Variants in FAAP100 observed in about 807,000 individuals in gnomAD.
The protein encoded by FAAP100 is Fanconi anemia core complex-associated protein 100.
A neutral mutation model predicts 65.8 loss-of-function variants in FAAP100; 46 were observed. The ratio of observed to expected loss-of-function variants is 0.70; its 90% confidence interval spans 0.55 to 0.89. The LOEUF (loss-of-function observed/expected upper bound fraction) is 0.89. Among genes scored for constraint, FAAP100 ranks in the 40% least tolerant of loss-of-function variants. The pLI is 0.00. For synonymous variants in FAAP100, 663 were observed against 555.1 expected (o/e 1.19, Z -2.73); for missense variants, 1,165 against 1,196.7 (o/e 0.97, Z 0.39).
In FAAP100 at chr17:81,545,806, T is replaced by G. The variant is rs2033278455; in HGVS notation, c.2250A>C (p.Ala750=). The change falls in exon 6 of 9, where the codon GCA becomes GCC. Residue 750 remains alanine, a synonymous_variant. Coordinates refer to ENST00000327787, the MANE Select transcript of FAAP100 (RefSeq NM_025161.6). ...GGGCCACTCCCTGGATGGAAGATAG[T>G]GCTCGGGCCCTCACGACGTCCACAG... ...NAAVDVVRAR[A]LSSIQGVAPD... The G allele has an allele frequency of 6.2e-7, 1 of 1,612,316 alleles. No individual in the cohort carries two copies. The highest frequency in any genetic ancestry group is 8.5e-7 in the Non-Finnish European group (1 of 1,179,886).
At chr17:81,546,494 C>T (rs2033306421) in intron 5 of FAAP100, 1 of 168,382 alleles carries the variant, frequency 5.9e-6, no homozygotes, top group African/African-American at 2.4e-5. Flanking sequence ...CTTTGTGACT[C>T]TTCTGTATTT....
chr17:81,550,408 G>T lies in FAAP100; in HGVS notation c.1086C>A (p.Thr362=). ...CGGGGRVYHS[T]PSDLCVVDLS... ...GATCCACCACACAGAGGTCAGAAGG[G>T]GTGCTGTGGTACACGCGGCCACCCC... Residue 362 remains threonine, a synonymous_variant, in exon 3 of 9, where the codon ACC becomes ACA. Transcript: ENST00000327787. The T allele has an allele frequency of 6.2e-7, 1 of 1,612,672 alleles. No individual in the cohort carries two copies. The highest frequency in any genetic ancestry group is 8.5e-7 in the Non-Finnish European group (1 of 1,179,990).
chr17:81,544,929 G>A (rs1380674997), intron 6 of FAAP100, among the ~76,000 whole-genome samples: 1 of 152,190 alleles, frequency 6.6e-6, no homozygotes, highest in Non-Finnish European at 1.5e-5. Context: ...AACACTTTGA[G>A]AGGGTGAGGT....
At chr17:81,543,551 G>A (rs1047842064) in intron 7 of FAAP100, among the ~76,000 whole-genome samples, 1 of 152,134 alleles carries the variant, frequency 6.6e-6, no homozygotes, top group Non-Finnish European at 1.5e-5. Flanking sequence ...GAACTCCTGG[G>A]GCTGTGAGTG....
Position 81,540,672 on chromosome 17 carries a change from A to C in FAAP100, c.*147T>G, listed in dbSNP as rs572678832. ...TGCTCCACGGCCTCCAAGCACTTTC[A>C]TGAGCGTTCTGCTCCTACGTGGCCA... is the stretch of plus-strand genomic sequence containing the variant. On this transcript the variant is annotated 3_prime_UTR_variant, in exon 9 of 9. Coordinates refer to ENST00000327787, the MANE Select transcript of FAAP100 (RefSeq NM_025161.6). 63 of 1,105,442 alleles carry C rather than the reference A, an allele frequency of 5.7e-5. No homozygotes were observed. The East Asian group carries it at 1.8e-3, about 31-fold the overall frequency. The allele number at this position is 1,105,442 out of a possible 1,614,324, so 68.5% of individuals were successfully genotyped here.
In FAAP100 at chr17:81,540,691, G is replaced by A. The variant is rs115224960; in HGVS notation, c.*128C>T. On this transcript the variant is annotated 3_prime_UTR_variant, in exon 9 of 9. Transcript: ENST00000327787. ...ACTTTCATGAGCGTTCTGCTCCTAC[G>A]TGGCCAGGTCCTACCTTCCCTGACG... is the stretch of plus-strand genomic sequence containing the variant. The A allele has an allele frequency of 6.0e-4, 745 of 1,233,880 alleles. 1 individual carries two copies. In the African/African-American group the frequency reaches 9.6e-3, roughly 16 times the overall value. The allele number at this position is 1,233,880 out of a possible 1,614,324, so 76.4% of individuals were successfully genotyped here. A position where few individuals can be genotyped will look rare whatever the true frequency, so the allele number is the denominator to read the frequency against.
Position 81,550,790 on chromosome 17 carries a change from A to T in FAAP100, c.704T>A (p.Leu235His). The T allele has an allele frequency of 6.2e-7, 1 of 1,612,814 alleles. No individual in the cohort carries two copies. The highest frequency in any genetic ancestry group is 8.5e-7 in the Non-Finnish European group (1 of 1,179,896). Residue 235 changes from leucine (L) to histidine (H), a missense_variant, in exon 3 of 9, where the codon CTC becomes CAC. Leu to His is a moderately conservative substitution (Grantham distance 99). Transcript: ENST00000327787. ...FGLLFGADAT[L>H]LQSPVVLCGL... ...ACAGAGGACCACAGGTGACTGCAGGAGGGTGGCATCAGCTCCAAAGAGGAG... is the reference window on the plus strand; with the variant it reads ...ACAGAGGACCACAGGTGACTGCAGGTGGGTGGCATCAGCTCCAAAGAGGAG...
chr17:81,545,341 G>A (rs116832881), intron 6 of FAAP100, among the ~76,000 whole-genome samples: 1,548 of 152,346 alleles, frequency 0.01, 33 homozygotes, highest in African/African-American at 0.036. Context: ...GCACGACAGG[G>A]GCTGGAGACC....
intron 6 of FAAP100, 29 bp downstream of exon 6, chr17:81,545,717 G>A (rs367626385): frequency 8.3e-5 from 133 of 1,595,204 alleles, no homozygotes; most frequent in South Asian, 3.7e-4. Context: ...TGCTGGTGCC[G>A]TGGCTCGTTT....
In FAAP100 at chr17:81,542,219, ATATATATATATAT is replaced by A. The variant is rs1193576199; in HGVS notation, c.2428-837_2428-825del. 2.6e-3 allele frequency among the ~76,000 whole-genome samples: 286 copies of A among 108,070 alleles called. 11 individuals are homozygous for A. The highest frequency in any genetic ancestry group is 0.012 in the African/African-American group (263 of 21,332). The allele number at this position is 108,070 out of a possible 152,430, so 70.9% of individuals were successfully genotyped here. ...AAAAAAAATATATATATATATATAT[ATATATATATATAT>A]ATGAAATCAGCCAGGCGTGGTGACA... On this transcript the variant is annotated intron_variant, in intron 7 of 8. Transcript: ENST00000327787.
Position 81,544,140 on chromosome 17 carries a change from T to G in FAAP100, c.2311-20A>C. ...GGCCACCTGCAACACAGGAGCCACC[T>G]CACTGCCTGCCTGTGGCACTCCCAC... On this transcript the variant is annotated intron_variant, in intron 6 of 8. Coordinates refer to ENST00000327787, the MANE Select transcript of FAAP100 (RefSeq NM_025161.6). 1 of 1,582,128 alleles carries G rather than the reference T, an allele frequency of 6.3e-7. No homozygotes were observed.
At chr17:81,548,128 A>C in intron 4 of FAAP100, 2 of 610,352 alleles carry the variant, frequency 3.3e-6, no homozygotes, top group Non-Finnish European at 5.9e-6. Flanking sequence ...CTACAGAAAC[A>C]GCCCTAAACC....
upstream of FAAP100, chr17:81,552,398 T>C (rs1026432601): frequency 2.4e-6 from 3 of 1,264,416 alleles, no homozygotes; most frequent in African/African-American, 4.7e-5. Flanking sequence ...CGGAGCGCTT[T>C]ACGGCAGCCC....
Position 81,547,282 on chromosome 17 carries a change from G to A in FAAP100, c.1800C>T (p.Cys600=). Residue 600 remains cysteine (C), a synonymous_variant, in exon 5 of 9, where the codon TGC becomes TGT. Transcript: ENST00000327787. ...CCTCCCTGAGACTGTAGAACAGCGT[G>A]CAGGACACGGTCACGGGCAGGTCGA... ...GGLDLPVTVS[C]TLFYSLREVV... is the part of the protein sequence containing the mutation. 5 of 1,611,488 alleles carry A rather than the reference G, an allele frequency of 3.1e-6. No homozygotes were observed. Among genetic ancestry groups the A allele is most frequent in the Non-Finnish European group, 4.2e-6 (5 of 1,179,132 alleles).
At position 81,549,424 on chromosome 17, in the gene FAAP100, G is replaced by A. The variant is rs77575114; in HGVS notation, c.1247-62C>T. 6.4e-4 allele frequency: 990 copies of A among 1,546,288 alleles called. 16 individuals are homozygous for A. In the East Asian group the frequency reaches 0.015, roughly 23 times the overall value. Reference sequence around the variant, plus strand: ...GGGAGGGGCAAGCAGCATGACACTCGGTGGTGTTTCCCTGGACTCCAGGAA... The same window carrying A: ...GGGAGGGGCAAGCAGCATGACACTCAGTGGTGTTTCCCTGGACTCCAGGAA... On this transcript the variant is annotated intron_variant, in intron 3 of 8. Transcript: ENST00000327787.
rs753399641 is a variant in FAAP100, at chr17:81,550,904, A to G, written c.590T>C (p.Leu197Pro). ...KPAAPHFLPV[L>P]CSVSPSGSRV... The stretch of plus-strand genomic sequence containing the variant: ...GGAGCCTGATGGTGACACAGAGCAC[A>G]GCACTGGAAGGAAGTGGGGGGCTGC... The change falls in exon 3 of 9, where the codon CTG (leucine) becomes CCG (proline). Residue 197 changes from leucine (L) to proline (P), a missense_variant. Physicochemically the swap from Leu to Pro is moderately conservative, Grantham distance 98. Coordinates refer to ENST00000327787, the MANE Select transcript of FAAP100 (RefSeq NM_025161.6). 2 of 1,612,604 alleles carry G rather than the reference A, an allele frequency of 1.2e-6. No individual in the cohort carries two copies. Among genetic ancestry groups the G allele is most frequent in the South Asian group, 2.2e-5 (2 of 91,026 alleles).
In FAAP100 at chr17:81,544,094, T is replaced by TG; in HGVS notation, c.2336dup (p.Gly780ArgfsTer45). ...GAATCTCCACGGCCTGGATGGGCCC[T>TG]GCTGGGCACAGGTCAGTCATGGCCA... On this transcript the variant is annotated frameshift_variant, in exon 7 of 9. Transcript: ENST00000327787. LOFTEE classifies it high-confidence loss of function. 2 of 1,612,490 alleles carry TG rather than the reference T, an allele frequency of 1.2e-6. No homozygotes were observed. Among genetic ancestry groups the TG allele is most frequent in the Non-Finnish European group, 1.7e-6 (2 of 1,179,724 alleles).
chr17:81,548,963 C>T (rs2033400011), intron 4 of FAAP100, among the ~76,000 whole-genome samples: 1 of 142,818 alleles, frequency 7.0e-6, no homozygotes, highest in Non-Finnish European at 1.5e-5. Context: ...TGGCGTGAAC[C>T]CGGGAGGCGG....
At position 81,550,761 on chromosome 17, in the gene FAAP100, G is replaced by A. The variant is rs370331985; in HGVS notation, c.733C>T (p.Leu245Phe). ...LLQSPVVLCG[L>F]PDGQLCCVIL... ...ACACAGCAGAGCTGGCCATCAGGGA[G>A]ACCACAGAGGACCACAGGTGACTGC... Residue 245 changes from leucine (L) to phenylalanine (F), a missense_variant, in exon 3 of 9, where the codon CTC (leucine) becomes TTC (phenylalanine). By Grantham distance (22) the Leu-to-Phe change is conservative. Coordinates refer to ENST00000327787, the MANE Select transcript of FAAP100 (RefSeq NM_025161.6). The A allele has an allele frequency of 2.4e-5, 38 of 1,612,170 alleles. No individual in the cohort carries two copies. Among genetic ancestry groups the A allele is most frequent in the Non-Finnish European group, 3.2e-5 (38 of 1,179,570 alleles).
Sources: gnomAD v4.1 joint callset for allele counts (sites outside exome capture counted in the v4.1 genomes callset) on GRCh38, gnomAD v4.1.1 for gene constraint, MANE v1.5 for transcripts, NCBI Gene and HGNC (gene_info 2026-07-23, HGNC 2026-07-21) for gene names.